The following CADM2 variants were observed in gnomAD, a reference collection of about 807,000 sequenced individuals.
CADM2 encodes the protein cell adhesion molecule 2.
A neutral mutation model predicts 49.8 loss-of-function variants in CADM2; 12 were observed. The ratio of observed to expected loss-of-function variants is 0.24; its 90% confidence interval spans 0.15 to 0.39. The LOEUF is 0.39. Among genes scored for constraint, CADM2 ranks in the 10% least tolerant of loss-of-function variants. The probability of loss-of-function intolerance (pLI) is 1.00; values close to 1 mark genes in which losing one functional copy is unlikely to be tolerated. For synonymous variants in CADM2, 214 were observed against 175.4 expected (o/e 1.22, Z -1.74); for missense variants, 378 against 492.3 (o/e 0.77, Z 2.20).
chr3:85,858,805 G>A (rs1278387379), intron 3 of CADM2, among the ~76,000 whole-genome samples: 2 of 152,196 alleles, frequency 1.3e-5, no homozygotes, highest in African/African-American at 2.4e-5. Flanking sequence ...GGCCACTAAA[G>A]CACCTACATG....
chr3:84,991,060 A>G (rs2032857755), intron 1 of CADM2, among the ~76,000 whole-genome samples: 1 of 152,116 alleles, frequency 6.6e-6, no homozygotes, highest in Admixed American at 6.5e-5. Flanking sequence ...AGCCAAATCA[A>G]CTGCTCCAAG....
chr3:85,812,948 A>G (rs570499786), intron 3 of CADM2, among the ~76,000 whole-genome samples: 1 of 152,274 alleles, frequency 6.6e-6, no homozygotes, highest in African/African-American at 2.4e-5. Context: ...CCAGTCTATC[A>G]TTGATGGACA....
chr3:85,123,122 C>T (rs540844812), intron 1 of CADM2, among the ~76,000 whole-genome samples: 8 of 152,094 alleles, frequency 5.3e-5, no homozygotes, highest in African/African-American at 1.9e-4. Flanking sequence ...TTTTCCCATG[C>T]TGTTTTTCCT....
intron 1 of CADM2, among the ~76,000 whole-genome samples, chr3:85,304,615 A>T (rs2044172013): frequency 6.6e-6 from 1 of 151,830 alleles, no homozygotes; most frequent in African/African-American, 2.4e-5. Flanking sequence ...GGAAAAATCA[A>T]CGGTTGTAAT....
chr3:85,246,475 A>G (rs560665317), intron 1 of CADM2, among the ~76,000 whole-genome samples: 1 of 152,204 alleles, frequency 6.6e-6, no homozygotes, highest in South Asian at 2.1e-4. Context: ...AAAATAATTC[A>G]TTTATTGTCA....
At chr3:85,939,059 G>C (rs139527679) in intron 7 of CADM2, among the ~76,000 whole-genome samples, 16 of 152,014 alleles carry the variant, frequency 1.1e-4, no homozygotes, top group Non-Finnish European at 1.9e-4. Context: ...ATCATGGCAT[G>C]GCTCAAGTTG....
chr3:85,912,293 C>G, intron 5 of CADM2, 80 bp from the exon 6 acceptor site: 1 of 962,574 alleles, frequency 1.0e-6, no homozygotes, highest in Non-Finnish European at 1.5e-6. Flanking sequence ...TAGGGAGAAG[C>G]TGTTTCCATT....
intron 7 of CADM2, among the ~76,000 whole-genome samples, chr3:85,945,556 A>C (rs1429787484): frequency 6.6e-6 from 1 of 152,180 alleles, no homozygotes; most frequent in Non-Finnish European, 1.5e-5. Flanking sequence ...CAAATCCAGC[A>C]GCACAACAAA....
chr3:85,791,521 G>GGAGAGA (rs373247946), intron 2 of CADM2, among the ~76,000 whole-genome samples: 4 of 131,296 alleles, frequency 3.0e-5, no homozygotes, highest in African/African-American at 6.0e-5. Flanking sequence ...GGGTGGGGAG[G>GGAGAGA]GAGAGAGAGA....
At chr3:85,532,198 A>G (rs2061330188) in intron 1 of CADM2, among the ~76,000 whole-genome samples, 1 of 151,600 alleles carries the variant, frequency 6.6e-6, no homozygotes. Context: ...TAATAATAAA[A>G]AAATAAAAAT....
chr3:85,383,741 A>T (rs2107364737), intron 1 of CADM2, among the ~76,000 whole-genome samples: 1 of 151,302 alleles, frequency 6.6e-6, no homozygotes, highest in African/African-American at 2.4e-5. Context: ...TTTAAATTTT[A>T]TATAAATGAT....
At chr3:85,659,833 G>A (rs2065344004) in intron 1 of CADM2, among the ~76,000 whole-genome samples, 1 of 152,062 alleles carries the variant, frequency 6.6e-6, no homozygotes, top group Non-Finnish European at 1.5e-5. Flanking sequence ...AAGCTCCTGT[G>A]TAGGCCACAC....
At chr3:85,553,509 A>G (rs1183192259) in intron 1 of CADM2, among the ~76,000 whole-genome samples, 1 of 118,514 alleles carries the variant, frequency 8.4e-6, no homozygotes, top group Admixed American at 9.4e-5. Flanking sequence ...ATTTCTTTAT[A>G]AAACAAGAAA....
rs146514029 is a variant in CADM2, at chr3:85,823,776, C to T, written c.238+21580C>T. Among the ~76,000 whole-genome samples the T allele has an allele frequency of 7.2e-5, 11 of 151,940 alleles. 1 individual carries two copies. The highest frequency in any genetic ancestry group is 1.6e-4 in the Non-Finnish European group (11 of 67,982). Reference sequence around the variant, plus strand: ...GTATCTGAACTGAAAAAGTGGATGACCTTGTAGAGAAATTTATCTGTCTGT... The same window carrying T: ...GTATCTGAACTGAAAAAGTGGATGATCTTGTAGAGAAATTTATCTGTCTGT... On this transcript the variant is annotated intron_variant, in intron 3 of 9. Coordinates refer to ENST00000383699, the MANE Select transcript of CADM2 (RefSeq NM_001167675.2).
At chr3:85,239,776 A>G (rs1266627850) in intron 1 of CADM2, among the ~76,000 whole-genome samples, 1 of 151,402 alleles carries the variant, frequency 6.6e-6, no homozygotes, top group South Asian at 2.1e-4. Flanking sequence ...ACTTCTTTAA[A>G]AATTATTTTA....
At chr3:85,079,033 A>G (rs2037059614) in intron 1 of CADM2, among the ~76,000 whole-genome samples, 1 of 151,866 alleles carries the variant, frequency 6.6e-6, no homozygotes, top group Admixed American at 6.6e-5. Flanking sequence ...TTGTTTTGCC[A>G]ATACTGAGAA....
intron 1 of CADM2, among the ~76,000 whole-genome samples, chr3:85,431,477 G>C (rs1163635804): frequency 6.6e-6 from 1 of 152,050 alleles, no homozygotes; most frequent in Non-Finnish European, 1.5e-5. Flanking sequence ...GGAAATGTTT[G>C]CAAGGAACAT....
intron 1 of CADM2, among the ~76,000 whole-genome samples, chr3:85,158,932 AAGAT>A (rs562537213): frequency 6.6e-6 from 1 of 152,120 alleles, no homozygotes; most frequent in Non-Finnish European, 1.5e-5. Flanking sequence ...GTGAGAGAGA[AAGAT>A]AGTTGCATAT....
chr3:85,999,116 G>T (rs1050443602), intron 8 of CADM2, among the ~76,000 whole-genome samples: 1 of 152,162 alleles, frequency 6.6e-6, no homozygotes, highest in African/African-American at 2.4e-5. Context: ...AAGTAGGATT[G>T]AGTCTAGGGA....
Sources: gnomAD v4.1 joint callset for allele counts (sites outside exome capture counted in the v4.1 genomes callset) on GRCh38, gnomAD v4.1.1 for gene constraint, MANE v1.5 for transcripts, NCBI Gene and HGNC (gene_info 2026-07-23, HGNC 2026-07-21) for gene names.